MUC7: variants seen among roughly 807,000 people sequenced by gnomAD.
The protein encoded by MUC7 is mucin 7, secreted, also known as mucin-7.
In MUC7, 2 loss-of-function variants were observed where a neutral mutation model predicts 2.5. The ratio of observed to expected loss-of-function variants is 0.81; its 90% CI spans 0.33 to 2.55. The LOEUF is 2.55. Ranked by LOEUF, MUC7 falls within the 30% of genes most tolerant of loss-of-function variation. The pLI, the probability that MUC7 is intolerant of heterozygous loss-of-function variation, is 0.11. For synonymous variants in MUC7, 133 were observed against 173.4 expected, an observed-to-expected ratio of 0.77 and a Z score of 1.83; for missense variants, 408 against 455.6, an observed-to-expected ratio of 0.90 and a Z score of 0.95.
rs140003736 is a variant in MUC7, at chr4:70,474,265, T to C, written c.54+190T>C. 9.1e-4 allele frequency among the ~76,000 whole-genome samples: 139 copies of C among 152,124 alleles called. 1 individual carries two copies. The highest frequency in any genetic ancestry group is 3.1e-3 in the African/African-American group (129 of 41,496). The stretch of plus-strand genomic sequence containing the variant: ...GCTCACACCTCTAATCCCAGCACTA[T>C]GGGAAGCCTAGGAGGGAGGATCACT... On this transcript the variant is annotated intron_variant, in intron 2 of 2. Transcript: ENST00000304887.
upstream of MUC7, among the ~76,000 whole-genome samples, chr4:70,468,960 G>A (rs1377772775): frequency 1.3e-5 from 2 of 152,066 alleles, no homozygotes; most frequent in African/African-American, 2.4e-5. Context: ...ACAATCATAA[G>A]CAAAAAGAAC....
chr4:70,461,831 A>C (rs578187244), intron 1 of MUC7, among the ~76,000 whole-genome samples: 1 of 152,296 alleles, frequency 6.6e-6, no homozygotes, highest in South Asian at 2.1e-4. Flanking sequence ...AGAAAGAAAA[A>C]ATTTCCAAGC....
In MUC7 at chr4:70,481,024, C is replaced by T. The variant is rs1232489699; in HGVS notation, c.280C>T (p.Pro94Ser). 1 of 1,614,128 alleles carries T rather than the reference C, an allele frequency of 6.2e-7. No individual in the cohort carries two copies. The highest frequency in any genetic ancestry group is 1.7e-5 in the Admixed American group (1 of 60,002). Residue 94 changes from proline to serine, a missense_variant, in exon 3 of 3, where the codon CCA (proline) becomes TCA (serine). This residue lies in a region of MUC7 where 225 missense variants were observed against 240.5 expected (regional missense o/e 0.94). Transcript: ENST00000304887. ...AAATCCTCACCAGCCACCTAAACAT[C>T]CAGATAAAAATAGCAGTGTGGTCAA... ...FPNPHQPPKHPDKNSSVVNPT... is the reference protein window; with the variant it reads ...FPNPHQPPKHSDKNSSVVNPT...
intron 1 of MUC7, among the ~76,000 whole-genome samples, chr4:70,447,913 A>C (rs1383641845): frequency 6.6e-6 from 1 of 152,048 alleles, no homozygotes; most frequent in African/African-American, 2.4e-5. Flanking sequence ...ATACCCACTA[A>C]CCATCCACAC....
chr4:70,456,995 C>T (rs917937578), intron 1 of MUC7, among the ~76,000 whole-genome samples: 2 of 151,880 alleles, frequency 1.3e-5, no homozygotes, highest in Non-Finnish European at 2.9e-5. Flanking sequence ...CACAATCATG[C>T]TATTTGGAGA....
rs531365285 is a variant in MUC7 at position 70,455,271 on chromosome 4, C to T, written c.-92-16944C>T. Among the ~76,000 whole-genome samples the T allele has an allele frequency of 7.9e-5, 12 of 152,286 alleles. No individual in the cohort carries two copies. In the South Asian group the frequency reaches 1.5e-3, roughly 18 times the overall value. On this transcript the variant is annotated intron_variant, in intron 1 of 3. Coordinates refer to the MUC7 transcript ENST00000413702. ...GTATTACACCGGCCCCTGGGTCTGT[C>T]AGAGCTGGTGACCCACTTCTTAAAA...
intron 1 of MUC7, among the ~76,000 whole-genome samples, chr4:70,451,945 G>T (rs540482979): frequency 6.6e-6 from 1 of 152,100 alleles, no homozygotes; most frequent in Non-Finnish European, 1.5e-5. Context: ...GGGCACTCTA[G>T]TGTTGGGTAC....
intron 1 of MUC7, among the ~76,000 whole-genome samples, chr4:70,440,115 T>C (rs1203530341): frequency 6.6e-6 from 1 of 152,180 alleles, no homozygotes; most frequent in Non-Finnish European, 1.5e-5. Flanking sequence ...GAAGTATAAT[T>C]TAAAATAATA....
intron 1 of MUC7, among the ~76,000 whole-genome samples, chr4:70,466,853 G>A (rs2109733150): frequency 6.6e-6 from 1 of 152,262 alleles, no homozygotes; most frequent in African/African-American, 2.4e-5. Context: ...GATCAACAGA[G>A]ACAGAAAATT....
intron 1 of MUC7, among the ~76,000 whole-genome samples, chr4:70,434,058 A>T (rs1249087713): frequency 1.3e-5 from 2 of 151,890 alleles, no homozygotes; most frequent in African/African-American, 4.8e-5. Context: ...GCCTTGCATC[A>T]CAAGGACGAA....
At chr4:70,437,726 G>A (rs569407883) in intron 1 of MUC7, among the ~76,000 whole-genome samples, 128 of 152,204 alleles carry the variant, frequency 8.4e-4, no homozygotes, top group African/African-American at 2.7e-3. Context: ...TCTGTAGGCT[G>A]TACCCACTGT....
At chr4:70,432,312 G>A (rs1456072614) in intron 1 of MUC7, among the ~76,000 whole-genome samples, 2 of 152,172 alleles carry the variant, frequency 1.3e-5, no homozygotes, top group African/African-American at 4.8e-5. Context: ...AGATCCTTGA[G>A]GAATCACCAC....
At chr4:70,469,079 A>T (rs1032479580), upstream of MUC7, among the ~76,000 whole-genome samples, 3 of 152,174 alleles carry the variant, frequency 2.0e-5, no homozygotes, top group Non-Finnish European at 2.9e-5. Flanking sequence ...ATAGAACAAA[A>T]CAGAGGCCTC....
At chr4:70,453,497 G>T (rs1734335212) in intron 1 of MUC7, among the ~76,000 whole-genome samples, 1 of 152,190 alleles carries the variant, frequency 6.6e-6, no homozygotes, top group Admixed American at 6.5e-5. Flanking sequence ...ATGCTGCCAG[G>T]CCTGGGACTC....
chr4:70,477,341 C>T (rs558476037), intron 2 of MUC7, among the ~76,000 whole-genome samples: 5 of 152,146 alleles, frequency 3.3e-5, no homozygotes, highest in Admixed American at 6.5e-5. Flanking sequence ...ACCCAGGAGA[C>T]GTAGGTTGCA....
At chr4:70,461,756 G>A (rs1734562469) in intron 1 of MUC7, among the ~76,000 whole-genome samples, 1 of 151,648 alleles carries the variant, frequency 6.6e-6, no homozygotes, top group Non-Finnish European at 1.5e-5. Context: ...ATTAGATTAG[G>A]TTTTGCTAAA....
chr4:70,477,346 G>T (rs13145882), intron 2 of MUC7, among the ~76,000 whole-genome samples: 24,507 of 152,046 alleles, frequency 0.16, 2,152 homozygotes, highest in South Asian at 0.21. Context: ...GGAGACGTAG[G>T]TTGCAGTGAG....
At chr4:70,450,955 G>A (rs1319665420) in intron 1 of MUC7, among the ~76,000 whole-genome samples, 1 of 151,698 alleles carries the variant, frequency 6.6e-6, no homozygotes, top group Non-Finnish European at 1.5e-5. Flanking sequence ...GACCCAGCTG[G>A]TGTTTCAGTA....
chr4:70,458,864 A>T (rs1017165767), intron 1 of MUC7, among the ~76,000 whole-genome samples: 2 of 152,120 alleles, frequency 1.3e-5, no homozygotes, highest in African/African-American at 4.8e-5. Context: ...TGTTCAGAAA[A>T]ATATCACATA....
Sources: allele counts gnomAD v4.1 joint callset (sites outside exome capture counted in the v4.1 genomes callset), GRCh38; gene constraint gnomAD v4.1.1; regional missense constraint gnomAD v4.1.1; transcripts MANE v1.5; gene names NCBI Gene and HGNC (gene_info 2026-07-23, HGNC 2026-07-21).